ARFGEF2: variants seen among roughly 807,000 people sequenced by gnomAD.
ARFGEF2 encodes the protein brefeldin A-inhibited guanine nucleotide-exchange protein 2.
Under a neutral mutation model 219.9 loss-of-function variants are expected in ARFGEF2, and 74 were observed. The ratio of observed to expected loss-of-function variants is 0.34; its 90% CI spans 0.28 to 0.41. The LOEUF is 0.41. Ranked by LOEUF, ARFGEF2 falls within the 10% of genes least tolerant of loss-of-function variation. The probability of loss-of-function intolerance (pLI) is 1.00; values close to 1 mark genes in which losing one functional copy is unlikely to be tolerated. For synonymous variants in ARFGEF2, 733 were observed against 799.2 expected (o/e 0.92, Z 1.40); for missense variants, 1,743 against 2,218.3 (o/e 0.79, Z 4.30).
chr20:49,025,326 A>T lies in ARFGEF2; in HGVS notation c.4769A>T (p.Asp1590Val), dbSNP rs2091595171. ...CCTGTCCTCTAGCAAGACACGCTGG[A>T]TGCAGATATCCACATAGAGACGGAG... is the stretch of plus-strand genomic sequence containing the variant. ...HMVAAQQDTLDADIHIETEDQ... is the reference protein window; with the variant it reads ...HMVAAQQDTLVADIHIETEDQ... Residue 1590 changes from aspartate to valine, a missense_variant, in exon 36 of 39, where the codon GAT (aspartate) becomes GTT (valine). Physicochemically the swap from Asp to Val is radical, Grantham distance 152 (BLOSUM62 -3). This residue lies in a region of ARFGEF2 where 578 missense variants were observed against 664.0 expected (regional missense o/e 0.87). Transcript: ENST00000371917. 2 of 1,612,088 alleles carry T rather than the reference A, an allele frequency of 1.2e-6. No individual in the cohort carries two copies. The highest frequency in any genetic ancestry group is 1.7e-5 in the Admixed American group (1 of 59,600).
rs763445092 is a variant in ARFGEF2, at chr20:49,017,403, G to C, written c.4454+16G>C. The C allele has an allele frequency of 3.7e-6, 6 of 1,613,830 alleles. No individual in the cohort carries two copies. Among genetic ancestry groups the C allele is most frequent in the Non-Finnish European group, 5.1e-6 (6 of 1,179,974 alleles). On this transcript the variant is annotated intron_variant, in intron 32 of 38. Transcript: ENST00000371917. ...TCCCACATGTGTAAGTGTTCATGCA[G>C]TTGTTCCCGTTTATCTCTGTGTTCA...
chr20:48,968,262 G>T lies in ARFGEF2; in HGVS notation c.1060-885G>T, dbSNP rs984853484. 3.6e-4 allele frequency among the ~76,000 whole-genome samples: 55 copies of T among 151,916 alleles called. 1 individual carries two copies. The highest frequency in any genetic ancestry group is 5.9e-5 in the Non-Finnish European group (4 of 67,992). ...CCCGCCTCAGCCTCCCAAAGTGCTG[G>T]GATTACAGGCGTGAGCCACCGTGCC... On this transcript the variant is annotated intron_variant, in intron 8 of 38. Transcript: ENST00000371917.
rs1046377376 is a variant in ARFGEF2, at chr20:49,035,227, T to G, written c.*2028T>G. 1 of 152,258 alleles carries G rather than the reference T, an allele frequency of 6.6e-6. No individual in the cohort carries two copies. Among genetic ancestry groups the G allele is most frequent in the Non-Finnish European group, 1.5e-5 (1 of 68,042 alleles). 9.4% of individuals were successfully genotyped at this position (152,258 alleles called of 1,614,324 possible). ...TCCTTCTGAGGTTCTCATGTCATTT[T>G]CTTCATCGGATGTGACTAAAATTTT... is the stretch of plus-strand genomic sequence containing the variant. On this transcript the variant is annotated 3_prime_UTR_variant, in exon 39 of 39. Transcript: ENST00000371917.
rs777898909 is a variant in ARFGEF2, at chr20:49,012,067, G to A, written c.3901G>A (p.Val1301Ile). 1.5e-5 allele frequency: 24 copies of A among 1,614,054 alleles called. No individual in the cohort carries two copies. In the Admixed American group the frequency reaches 1.8e-4, roughly 12 times the overall value. Residue 1301 changes from valine to isoleucine, a missense_variant, in exon 28 of 39, where the codon GTC (valine) becomes ATC (isoleucine). Coordinates refer to ENST00000371917, the MANE Select transcript of ARFGEF2 (RefSeq NM_006420.3). ...GCTCATCCGCTTCTGTGGCAAATAC[G>A]TCTCTGAGAGGCCTCGGGTTCGTTT... ...IRLIRFCGKY[V>I]SERPRVLQEY...
intron 25 of ARFGEF2, among the ~76,000 whole-genome samples, chr20:48,999,958 TAGAGGAAAATCTTA>T (rs1432208161): frequency 6.6e-6 from 1 of 152,120 alleles, no homozygotes; most frequent in Non-Finnish European, 1.5e-5. Flanking sequence ...GTACATTGAA[TAGAGGAAAATCTTA>T]AAAAGTAGTC....
chr20:48,972,496 T>C, intron 11 of ARFGEF2, 71 bp downstream of exon 11: 1 of 1,142,608 alleles, frequency 8.8e-7, no homozygotes, highest in Non-Finnish European at 1.3e-6. Context: ...AGATTAAGAC[T>C]TCTAACCCCT....
chr20:49,024,052 G>T (rs1332304774), intron 35 of ARFGEF2, among the ~76,000 whole-genome samples: 1 of 152,072 alleles, frequency 6.6e-6, no homozygotes, highest in East Asian at 1.9e-4. Flanking sequence ...GGTAACTGGG[G>T]TTTCAACCTC....
intron 18 of ARFGEF2, 44 bp from the exon 19 acceptor site, chr20:48,989,241 C>G (rs371508210): frequency 4.3e-6 from 7 of 1,609,868 alleles, no homozygotes; most frequent in Non-Finnish European, 5.9e-6. Flanking sequence ...TGTAGCCAGC[C>G]CTCAGTGACT....
Position 49,023,166 on chromosome 20 carries a change from C to T in ARFGEF2, c.4740C>T (p.His1580=). 1 of 1,614,140 alleles carries T rather than the reference C, an allele frequency of 6.2e-7. No individual in the cohort carries two copies. The highest frequency in any genetic ancestry group is 8.5e-7 in the Non-Finnish European group (1 of 1,180,006). Reference sequence around the variant, plus strand: ...CGAGCAAAAAGGAGGATGCAGAGCACATGGTTGCCGCCCAGGTAAGAACAG... The same window carrying T: ...CGAGCAAAAAGGAGGATGCAGAGCATATGGTTGCCGCCCAGGTAAGAACAG... ...PATSKKEDAE[H]MVAAQQDTLD... is the part of the protein sequence containing the mutation. The change falls in exon 35 of 39, where the codon CAC becomes CAT. Residue 1580 remains histidine, a synonymous_variant. Transcript: ENST00000371917.
chr20:48,981,867 T>C (rs1243217018), intron 14 of ARFGEF2, among the ~76,000 whole-genome samples: 1 of 152,228 alleles, frequency 6.6e-6, no homozygotes. Context: ...CTGTTTATTC[T>C]AGTTAGCCAT....
chr20:48,973,069 G>A, intron 11 of ARFGEF2, 76 bp from the exon 12 acceptor site: 2 of 1,568,228 alleles, frequency 1.3e-6, no homozygotes, highest in South Asian at 1.1e-5. Flanking sequence ...AAATTTGTTG[G>A]CAAACATCTT....
At chr20:48,965,774 A>G (rs2091183369) in intron 7 of ARFGEF2, 98 bp from the exon 8 acceptor site, 13 of 1,452,594 alleles carry the variant, frequency 8.9e-6, no homozygotes, top group Admixed American at 6.7e-5. Flanking sequence ...AAAAAGCAAC[A>G]GCTGGGAGGT....
chr20:48,927,532 A>T (rs757959322), intron 1 of ARFGEF2, among the ~76,000 whole-genome samples: 1 of 152,062 alleles, frequency 6.6e-6, no homozygotes, highest in African/African-American at 2.4e-5. Flanking sequence ...GTACTAAAAT[A>T]CAAAAATTAG....
intron 3 of ARFGEF2, among the ~76,000 whole-genome samples, chr20:48,946,056 G>A (rs1050607312): frequency 6.6e-6 from 1 of 152,184 alleles, no homozygotes; most frequent in Non-Finnish European, 1.5e-5. Flanking sequence ...CATGGTGGCT[G>A]CCCTTGCCAA....
chr20:48,960,432 G>T (rs1226379673), intron 6 of ARFGEF2, among the ~76,000 whole-genome samples: 1 of 152,086 alleles, frequency 6.6e-6, no homozygotes, highest in Admixed American at 6.5e-5. Context: ...GTATGCCACT[G>T]CAGGCTTTAT....
At chr20:48,953,068 T>C (rs1600604357) in intron 5 of ARFGEF2, among the ~76,000 whole-genome samples, 184 bp downstream of exon 5, 1 of 152,214 alleles carries the variant, frequency 6.6e-6, no homozygotes, top group African/African-American at 2.4e-5. Flanking sequence ...TTTTGAAATT[T>C]GTGTTCAGAA....
intron 1 of ARFGEF2, 46 bp downstream of exon 1, chr20:48,922,056 C>G: frequency 6.4e-7 from 1 of 1,551,852 alleles, no homozygotes. Flanking sequence ...CTCAGCACGT[C>G]GGCCGTTGCC....
intron 3 of ARFGEF2, among the ~76,000 whole-genome samples, chr20:48,942,326 A>G (rs1239581724): frequency 5.3e-5 from 8 of 151,564 alleles, no homozygotes; most frequent in Non-Finnish European, 1.2e-4. Flanking sequence ...TATTTTTTCC[A>G]TTTTGTAGAG....
intron 14 of ARFGEF2, among the ~76,000 whole-genome samples, chr20:48,979,815 G>A (rs1398010766): frequency 6.6e-6 from 1 of 152,038 alleles, no homozygotes; most frequent in Non-Finnish European, 1.5e-5. Context: ...TGGGATCGGT[G>A]GTGATATCCC....
Sources: gnomAD v4.1 joint callset for allele counts (sites outside exome capture counted in the v4.1 genomes callset) on GRCh38, gnomAD v4.1.1 for gene constraint, gnomAD v4.1.1 regional missense constraint, MANE v1.5 for transcripts, NCBI Gene and HGNC (gene_info 2026-07-23, HGNC 2026-07-21) for gene names.